IKBIP: variants seen among roughly 807,000 people sequenced by gnomAD.
IKBIP encodes inhibitor of nuclear factor kappa-B kinase-interacting protein.
A neutral mutation model predicts 31.0 loss-of-function variants in IKBIP; 28 were observed. The ratio of observed to expected loss-of-function variants is 0.90; its 90% CI spans 0.67 to 1.24. The LOEUF is 1.24. Ranked by LOEUF, IKBIP falls within the 50% of genes most tolerant of loss-of-function variation. The probability of loss-of-function intolerance (pLI) is 0.00; values close to 1 mark genes in which losing one functional copy is unlikely to be tolerated. For missense variants in IKBIP, 453 were observed against 441.9 expected (o/e 1.03, Z -0.23); for synonymous variants, 164 against 160.3 (o/e 1.02, Z -0.17).
At chr12:98,641,774 G>A (rs1017497731) in intron 1 of IKBIP, among the ~76,000 whole-genome samples, 1 of 127,226 alleles carries the variant, frequency 7.9e-6, no homozygotes, top group Non-Finnish European at 1.6e-5. Flanking sequence ...TCTCACCTCA[G>A]CCTCCCAAGT....
downstream of IKBIP, among the ~76,000 whole-genome samples, chr12:98,620,890 C>T (rs1217207837): frequency 1.3e-5 from 2 of 151,524 alleles, no homozygotes; most frequent in African/African-American, 4.9e-5. Flanking sequence ...GTAAATAAAA[C>T]CACTTAAAGC....
downstream of IKBIP, chr12:98,624,125 G>T: frequency 4.0e-6 from 1 of 251,200 alleles, no homozygotes; most frequent in Non-Finnish European, 6.0e-6. Flanking sequence ...GTATATATAA[G>T]TTCATAATAA....
intron 1 of IKBIP, among the ~76,000 whole-genome samples, chr12:98,643,812 G>GTTTTTTTTTTTTTTTTTTCC (rs773132320): frequency 7.6e-6 from 1 of 131,106 alleles, no homozygotes; most frequent in Non-Finnish European, 1.6e-5. Flanking sequence ...TAATGATATG[G>GTTTTTTTTTTTTTTTTTTCC]TTTTCTTTTT....
chr12:98,620,522 A>G (rs1048433638), downstream of IKBIP, among the ~76,000 whole-genome samples: 1 of 151,832 alleles, frequency 6.6e-6, no homozygotes, highest in African/African-American at 2.4e-5. Context: ...GCTCACCACC[A>G]CGCTCACCTA....
chr12:98,629,658 A>C (rs1294155899), intron 2 of IKBIP, among the ~76,000 whole-genome samples: 1 of 152,174 alleles, frequency 6.6e-6, no homozygotes, highest in Non-Finnish European at 1.5e-5. Flanking sequence ...GCCATAATAC[A>C]AGTTCCTTTT....
intron 2 of IKBIP, among the ~76,000 whole-genome samples, chr12:98,632,222 T>A (rs2097620892): frequency 6.6e-6 from 1 of 151,568 alleles, no homozygotes; most frequent in South Asian, 2.1e-4. Context: ...TAATATCAAT[T>A]CTTTGGGAGG....
chr12:98,625,875 T>G lies in IKBIP; in HGVS notation c.*55A>C, dbSNP rs2097613697. 7.7e-7 allele frequency: 1 copy of G among 1,306,026 alleles called. No homozygotes were observed. Among genetic ancestry groups the G allele is most frequent in the South Asian group, 2.4e-5 (1 of 42,008 alleles). 80.9% of individuals were successfully genotyped at this position (1,306,026 alleles called of 1,614,324 possible). On this transcript the variant is annotated 3_prime_UTR_variant, in exon 3 of 3. Transcript: ENST00000299157. ...GCGTATCAAAGTAACTCAAAATCAA[T>G]GGACTAATCAATTTATGTATAATGA...
At position 98,624,486 on chromosome 12, in the gene IKBIP, A is replaced by C. The variant is rs1249736481; in HGVS notation, c.*1444T>G. On this transcript the variant is annotated 3_prime_UTR_variant, in exon 3 of 3. Coordinates refer to ENST00000299157, the MANE Select transcript of IKBIP (RefSeq NM_153687.4). ...TTTGGGGGTTCTCCAAAAACTTGCA[A>C]ATTTACATATTAAAACTACTTGACC... The C allele has an allele frequency of 2.0e-6, 2 of 985,156 alleles. No individual in the cohort carries two copies. Among genetic ancestry groups the C allele is most frequent in the African/African-American group, 3.5e-5 (2 of 57,194 alleles). 61.0% of individuals were successfully genotyped at this position (985,156 alleles called of 1,614,324 possible).
chr12:98,619,723 G>GC (rs1473093998), downstream of IKBIP, among the ~76,000 whole-genome samples: 1 of 151,712 alleles, frequency 6.6e-6, no homozygotes, highest in Non-Finnish European at 1.5e-5. Flanking sequence ...ACCAGCCTGG[G>GC]CAACATGGTG....
rs532567484 is a variant in IKBIP at position 98,639,689 on chromosome 12, G to A, written c.179+4834C>T. Among the ~76,000 whole-genome samples the A allele has an allele frequency of 1.1e-4, 16 of 152,276 alleles. No individual in the cohort carries two copies. In the South Asian group the frequency reaches 3.3e-3, roughly 32 times the overall value. ...AGCTCCTTTAGGAACGTTAAATGGT[G>A]GCAGACAGCTGACTGAGGACTTACA... On this transcript the variant is annotated intron_variant, in intron 1 of 2. Transcript: ENST00000299157.
chr12:98,624,180 G>A (rs146744148), downstream of IKBIP: 17 of 624,432 alleles, frequency 2.7e-5, 1 homozygote, highest in African/African-American at 7.1e-5. Flanking sequence ...ATATTTAAAC[G>A]TAAAGGATAT....
chr12:98,628,897 C>T (rs537775721), intron 2 of IKBIP, among the ~76,000 whole-genome samples: 1 of 152,078 alleles, frequency 6.6e-6, no homozygotes, highest in Non-Finnish European at 1.5e-5. Flanking sequence ...AAAAAAATCA[C>T]AGTAGATTAT....
At chr12:98,626,842 G>A in intron 2 of IKBIP, 76 bp from the exon 3 acceptor site, 1 of 1,158,738 alleles carries the variant, frequency 8.6e-7, no homozygotes, top group Non-Finnish European at 1.2e-6. Flanking sequence ...TTAACAATCA[G>A]GAGCATAACA....
chr12:98,619,175 AT>A (rs2097608185), intron 2 of IKBIP, among the ~76,000 whole-genome samples: 1 of 152,206 alleles, frequency 6.6e-6, no homozygotes, highest in African/African-American at 2.4e-5. Flanking sequence ...CCAAGAAGTG[AT>A]TGCAAAATCA....
chr12:98,625,188 T>C lies in IKBIP; in HGVS notation c.*742A>G, dbSNP rs952081723. On this transcript the variant is annotated 3_prime_UTR_variant, in exon 3 of 3. Coordinates refer to ENST00000299157, the MANE Select transcript of IKBIP (RefSeq NM_153687.4). ...AACCTAAAACTCAGGTATATAAAGA[T>C]ATTTCAAAGATTTATATACACATAA... The C allele has an allele frequency of 1.0e-6, 1 of 983,670 alleles. No individual in the cohort carries two copies. Among genetic ancestry groups the C allele is most frequent in the Non-Finnish European group, 1.2e-6 (1 of 828,316 alleles). The allele number at this position is 983,670 out of a possible 1,614,324, so 60.9% of individuals were successfully genotyped here.
chr12:98,627,932 G>A (rs1182865794), intron 2 of IKBIP, among the ~76,000 whole-genome samples: 1 of 152,182 alleles, frequency 6.6e-6, no homozygotes, highest in Non-Finnish European at 1.5e-5. Flanking sequence ...ACAGTTTAGT[G>A]AGACAAGTCA....
At chr12:98,634,212 AAAG>A in intron 2 of IKBIP, 81 bp downstream of exon 2, 1 of 703,222 alleles carries the variant, frequency 1.4e-6, no homozygotes, top group Admixed American at 2.4e-5. Flanking sequence ...AGGCAGGAAG[AAAG>A]AAGTTCTGAG....
rs760309648 is a variant in IKBIP at position 98,613,967 on chromosome 12, C to T, written c.671G>A (p.Arg224Gln). The T allele has an allele frequency of 1.6e-5, 25 of 1,612,266 alleles. No homozygotes were observed. In the African/African-American group the frequency reaches 2.7e-4, roughly 17 times the overall value. ...TGCTGTCTTTCGGAGCGTTGCTGTTCGATCAATACTGCTTGAAAGAAGATC... is the reference window on the plus strand; with the variant it reads ...TGCTGTCTTTCGGAGCGTTGCTGTTTGATCAATACTGCTTGAAAGAAGATC... Residue 224 changes from arginine (R) to glutamine (Q), a missense_variant, in exon 3 of 3, where the codon CGA becomes CAA. Coordinates refer to the IKBIP transcript ENST00000342502.
rs560952806 is a variant in IKBIP at position 98,637,702 on chromosome 12, C to T, written c.180-3289G>A. On this transcript the variant is annotated intron_variant, in intron 1 of 2. Transcript: ENST00000299157. Reference sequence around the variant, plus strand: ...GATTACAGGCGTGAGCCACCGCGCCCGGCTTTTTTCTTTCTTTCCTTTTTT... The same window carrying T: ...GATTACAGGCGTGAGCCACCGCGCCTGGCTTTTTTCTTTCTTTCCTTTTTT... Among the ~76,000 whole-genome samples, 13 of 151,604 alleles carry T rather than the reference C, an allele frequency of 8.6e-5. No individual in the cohort carries two copies. In the East Asian group the frequency reaches 2.4e-3, roughly 27 times the overall value.
Sources: gnomAD v4.1 joint callset for allele counts (sites outside exome capture counted in the v4.1 genomes callset) on GRCh38, gnomAD v4.1.1 for gene constraint, MANE v1.5 for transcripts, NCBI Gene and HGNC (gene_info 2026-07-23, HGNC 2026-07-21) for gene names.